The following FOXP1 variants were observed in gnomAD, a reference collection of about 807,000 sequenced individuals.
FOXP1 encodes forkhead box protein P1.
In FOXP1, 15 loss-of-function variants were observed where a neutral mutation model predicts 98.2. That is an observed-to-expected ratio of 0.15 (90% CI 0.10 to 0.24). The LOEUF (loss-of-function observed/expected upper bound fraction) is 0.24. FOXP1 is among the 10% of genes least tolerant of loss of function. The pLI, the probability that FOXP1 is intolerant of heterozygous loss-of-function variation, is 1.00. For missense variants in FOXP1, 633 were observed against 848.5 expected (o/e 0.75, Z 3.15); for synonymous variants, 371 against 314.5 (o/e 1.18, Z -1.90).
intron 5 of FOXP1, among the ~76,000 whole-genome samples, chr3:71,276,614 T>C (rs2070919302): frequency 1.3e-5 from 2 of 152,210 alleles, no homozygotes; most frequent in Admixed American, 1.3e-4. Context: ...TTTAAAATTT[T>C]ATTTTTTAAT....
At chr3:71,281,700 T>C (rs1323947288) in intron 5 of FOXP1, among the ~76,000 whole-genome samples, 1 of 152,180 alleles carries the variant, frequency 6.6e-6, no homozygotes, top group Non-Finnish European at 1.5e-5. Flanking sequence ...TCACAGTACT[T>C]CAGTCCATGG....
chr3:71,045,729 G>A (rs1291601559), intron 10 of FOXP1, among the ~76,000 whole-genome samples: 1 of 152,154 alleles, frequency 6.6e-6, no homozygotes, highest in East Asian at 1.9e-4. Flanking sequence ...AGCCTCATAA[G>A]GGACAGAAGT....
intron 11 of FOXP1, among the ~76,000 whole-genome samples, chr3:71,035,124 G>A (rs1014999900): frequency 6.6e-6 from 1 of 152,184 alleles, no homozygotes; most frequent in Non-Finnish European, 1.5e-5. Context: ...CAGGTCTGGG[G>A]CAGGGCCAGA....
At chr3:71,466,763 C>A (rs2088790738) in intron 3 of FOXP1, among the ~76,000 whole-genome samples, 1 of 152,196 alleles carries the variant, frequency 6.6e-6, no homozygotes, top group African/African-American at 2.4e-5. Flanking sequence ...GGGAAGGTCA[C>A]AAAGAGCACT....
intron 3 of FOXP1, among the ~76,000 whole-genome samples, chr3:71,453,831 C>T (rs2087180050): frequency 6.6e-6 from 1 of 152,182 alleles, no homozygotes; most frequent in Non-Finnish European, 1.5e-5. Flanking sequence ...CTTCTGCCTT[C>T]TAGAGATAAA....
intron 3 of FOXP1, among the ~76,000 whole-genome samples, chr3:71,447,447 G>C (rs1470043156): frequency 6.6e-6 from 1 of 152,138 alleles, no homozygotes; most frequent in Non-Finnish European, 1.5e-5. Flanking sequence ...GATCTGAAAG[G>C]GCATCACTCC....
chr3:70,967,631 CTTTCTTTCTTTTTGTTT>C (rs1489119812), intron 19 of FOXP1, among the ~76,000 whole-genome samples: 4 of 103,424 alleles, frequency 3.9e-5, no homozygotes, highest in African/African-American at 1.6e-4. Flanking sequence ...AGCTTTTTTT[CTTTCTTTCTTTTTGTTT>C]TTTTTTTGGC....
chr3:71,007,604 A>C (rs2042966141), intron 12 of FOXP1, among the ~76,000 whole-genome samples: 2 of 152,170 alleles, frequency 1.3e-5, no homozygotes, highest in East Asian at 1.9e-4. Context: ...GGTGGCTGTT[A>C]AACAAAAGCC....
chr3:71,041,607 G>C (rs1400248498), intron 10 of FOXP1, 75 bp from the exon 11 acceptor site: 2 of 1,438,366 alleles, frequency 1.4e-6, no homozygotes, highest in Non-Finnish European at 1.9e-6. Flanking sequence ...TTAAATCAAA[G>C]AGTCAGTAAA....
intron 2 of FOXP1, among the ~76,000 whole-genome samples, chr3:71,562,058 T>C (rs187235207): frequency 2.8e-4 from 42 of 151,950 alleles, no homozygotes; most frequent in Admixed American, 1.8e-3. Context: ...ATGATAGGAG[T>C]TTGGGTTTAA....
intron 2 of FOXP1, among the ~76,000 whole-genome samples, chr3:71,528,786 T>C (rs137883349): frequency 5.3e-5 from 8 of 152,304 alleles, no homozygotes; most frequent in African/African-American, 1.9e-4. Flanking sequence ...GAATGGATAA[T>C]GTCACTCAGA....
chr3:71,022,173 T>C (rs1484273973), intron 11 of FOXP1, among the ~76,000 whole-genome samples: 1 of 152,204 alleles, frequency 6.6e-6, no homozygotes, highest in East Asian at 1.9e-4. Context: ...TTTTTTAATG[T>C]TGTCCCAGCA....
At chr3:71,082,402 C>T (rs1216522067) in intron 7 of FOXP1, among the ~76,000 whole-genome samples, 3 of 150,980 alleles carry the variant, frequency 2.0e-5, no homozygotes, top group Non-Finnish European at 2.9e-5. Context: ...CACACGTTCT[C>T]ACTCGTAAGT....
chr3:71,541,844 A>G (rs2044852352), intron 2 of FOXP1: 1 of 423,436 alleles, frequency 2.4e-6, no homozygotes, highest in Admixed American at 3.6e-5. Context: ...AAAACAAACA[A>G]AAAAACACCT....
chr3:71,366,537 C>T (rs552827627), intron 3 of FOXP1, among the ~76,000 whole-genome samples: 4 of 152,210 alleles, frequency 2.6e-5, no homozygotes, highest in East Asian at 3.9e-4. Flanking sequence ...AATGGGATTA[C>T]GGTCAGGATT....
intron 5 of FOXP1, among the ~76,000 whole-genome samples, chr3:71,239,736 A>G (rs900350846): frequency 1.3e-5 from 2 of 152,232 alleles, no homozygotes; most frequent in Admixed American, 1.3e-4. Flanking sequence ...TAAGTGTTAC[A>G]CTTTGCTTTA....
In FOXP1 at chr3:71,261,329, AT is replaced by A. The variant is rs547132156; in HGVS notation, c.-12+38490del. Among the ~76,000 whole-genome samples the A allele has an allele frequency of 1.5e-4, 23 of 152,042 alleles. No homozygotes were observed. In the East Asian group the frequency reaches 2.9e-3, roughly 19 times the overall value. ...TCAAATACATTAATAAAAAAATTAG[AT>A]TTTTTTTAACTTTAGTTTCCAGTTC... is the stretch of plus-strand genomic sequence containing the variant. On this transcript the variant is annotated intron_variant, in intron 5 of 20. Transcript: ENST00000649528.
intron 7 of FOXP1, chr3:71,065,770 T>C (rs1353264341): frequency 6.6e-6 from 1 of 152,218 alleles, no homozygotes; most frequent in Non-Finnish European, 1.5e-5. Context: ...CAATAAGCAC[T>C]TTAGGATGAC....
intron 3 of FOXP1, among the ~76,000 whole-genome samples, chr3:71,449,985 G>A (rs1373574811): frequency 1.3e-5 from 2 of 152,140 alleles, no homozygotes; most frequent in Non-Finnish European, 1.5e-5. Context: ...ACATGTCTAC[G>A]AATTGAGCAT....
Sources: gnomAD v4.1 joint callset for allele counts (sites outside exome capture counted in the v4.1 genomes callset) on GRCh38, gnomAD v4.1.1 for gene constraint, MANE v1.5 for transcripts, NCBI Gene and HGNC (gene_info 2026-07-23, HGNC 2026-07-21) for gene names.